The following COMMD10 variants were observed in gnomAD, a reference collection of about 807,000 sequenced individuals.
COMMD10 encodes COMM domain-containing protein 10.
A neutral mutation model predicts 28.9 loss-of-function variants in COMMD10; 33 were observed. That is an observed-to-expected ratio of 1.14 (90% CI 0.87 to 1.53). The LOEUF (loss-of-function observed/expected upper bound fraction) is 1.53. Among genes scored for constraint, COMMD10 ranks in the 40% most tolerant of loss-of-function variants. The pLI, the probability that COMMD10 is intolerant of heterozygous loss-of-function variation, is 0.00. For synonymous variants in COMMD10, 110 were observed against 81.7 expected (o/e 1.35, Z -1.87); for missense variants, 310 against 233.4 (o/e 1.33, Z -2.14).
At chr5:116,210,743 T>A (rs190022760) in intron 5 of COMMD10, among the ~76,000 whole-genome samples, 25 of 152,224 alleles carry the variant, frequency 1.6e-4, no homozygotes, top group Non-Finnish European at 1.5e-4. Context: ...CAAAACCAGG[T>A]TTTACTTATT....
intron 4 of COMMD10, among the ~76,000 whole-genome samples, chr5:116,099,275 A>C (rs572980606): frequency 6.6e-6 from 1 of 152,296 alleles, no homozygotes; most frequent in Non-Finnish European, 1.5e-5. Context: ...CTCCAGGTTC[A>C]TCCATTTTGT....
At chr5:116,148,640 CT>C (rs1009708883) in intron 5 of COMMD10, among the ~76,000 whole-genome samples, 104 of 148,674 alleles carry the variant, frequency 7.0e-4, no homozygotes, top group African/African-American at 2.3e-3. Context: ...TCAATGGATT[CT>C]TTTTTTTTTC....
Position 116,178,770 on chromosome 5 carries a change from T to C in COMMD10, c.510+44592T>C, listed in dbSNP as rs548270542. ...GGAAAGTTGGTTTATAATAAGGTTT[T>C]AGCACAAAAGTTAATGCCCTGATTT... On this transcript the variant is annotated intron_variant, in intron 5 of 6. Transcript: ENST00000274458. 1.1e-3 allele frequency among the ~76,000 whole-genome samples: 168 copies of C among 152,278 alleles called. No individual in the cohort carries two copies. In the South Asian group the frequency reaches 0.012, roughly 11 times the overall value.
chr5:116,214,863 A>G lies in COMMD10; in HGVS notation c.511-76654A>G, dbSNP rs549278310. On this transcript the variant is annotated intron_variant, in intron 5 of 6. Transcript: ENST00000274458. ...AAGCTTTTATCATAATATTTTGGAA[A>G]AATACGATCTCTTTTATAATCCTAA... Among the ~76,000 whole-genome samples, 10 of 152,220 alleles carry G rather than the reference A, an allele frequency of 6.6e-5. No individual in the cohort carries two copies. In the East Asian group the frequency reaches 1.9e-3, roughly 29 times the overall value.
At chr5:116,246,620 G>A (rs990303437) in intron 5 of COMMD10, among the ~76,000 whole-genome samples, 15 of 152,016 alleles carry the variant, frequency 9.9e-5, no homozygotes, top group African/African-American at 3.4e-4. Context: ...AAAACAGCAT[G>A]GTATTAGTAC....
chr5:116,121,103 G>A (rs1396811570), intron 4 of COMMD10, among the ~76,000 whole-genome samples: 1 of 152,026 alleles, frequency 6.6e-6, no homozygotes, highest in South Asian at 2.1e-4. Flanking sequence ...ATTTACATTA[G>A]ATATTTCTCC....
chr5:116,278,904 C>T (rs1278085256), intron 5 of COMMD10, among the ~76,000 whole-genome samples: 1 of 151,770 alleles, frequency 6.6e-6, no homozygotes, highest in Non-Finnish European at 1.5e-5. Flanking sequence ...CCATTGGGGT[C>T]AAATACTACA....
intron 5 of COMMD10, among the ~76,000 whole-genome samples, chr5:116,213,401 C>G (rs1002665143): frequency 2.0e-5 from 3 of 152,042 alleles, no homozygotes; most frequent in African/African-American, 7.2e-5. Flanking sequence ...AGCATAGACC[C>G]TGGACCTCTG....
intron 5 of COMMD10, among the ~76,000 whole-genome samples, chr5:116,251,364 C>T (rs1196204343): frequency 6.8e-6 from 1 of 147,696 alleles, no homozygotes; most frequent in East Asian, 2.0e-4. Context: ...CATACGTATA[C>T]ATGTGCCATG....
At chr5:116,183,700 T>A (rs904971515) in intron 5 of COMMD10, among the ~76,000 whole-genome samples, 6 of 152,158 alleles carry the variant, frequency 3.9e-5, no homozygotes, top group African/African-American at 1.4e-4. Context: ...AACCATTTAA[T>A]AAATACTTTC....
chr5:116,107,742 C>G (rs1750889799), intron 4 of COMMD10, among the ~76,000 whole-genome samples: 1 of 149,174 alleles, frequency 6.7e-6, no homozygotes, highest in Non-Finnish European at 1.5e-5. Flanking sequence ...AGTTGTGATC[C>G]TTTGGAGGAG....
chr5:116,276,001 A>G (rs1386811959), intron 5 of COMMD10, among the ~76,000 whole-genome samples: 1 of 151,254 alleles, frequency 6.6e-6, no homozygotes, highest in South Asian at 2.1e-4. Flanking sequence ...TAAGGAACAC[A>G]CTATGTTTTG....
intron 5 of COMMD10, among the ~76,000 whole-genome samples, chr5:116,210,797 C>T (rs1748944850): frequency 6.6e-6 from 1 of 152,046 alleles, no homozygotes; most frequent in African/African-American, 2.4e-5. Context: ...TAGGATTTTT[C>T]TTTTCACAAT....
At chr5:116,196,508 T>TA (rs11455689) in intron 5 of COMMD10, among the ~76,000 whole-genome samples, 48,264 of 147,502 alleles carry the variant, frequency 0.33, 10,991 homozygotes, top group African/African-American at 0.66. Context: ...ATAAATATGT[T>TA]AAAAAAAAAA....
At chr5:116,108,736 A>AAAAC (rs36074819) in intron 4 of COMMD10, among the ~76,000 whole-genome samples, 110,454 of 150,880 alleles carry the variant, frequency 0.73, 40,857 homozygotes, top group Non-Finnish European at 0.79. Flanking sequence ...GGGTATGAAA[A>AAAAC]AAACAAACAA....
chr5:116,199,336 A>G (rs1296039183), intron 5 of COMMD10, among the ~76,000 whole-genome samples: 3 of 152,054 alleles, frequency 2.0e-5, no homozygotes, highest in Non-Finnish European at 1.5e-5. Context: ...AGAGTTCTTC[A>G]TATATTTTGG....
intron 5 of COMMD10, among the ~76,000 whole-genome samples, chr5:116,281,559 T>C (rs1240389660): frequency 6.6e-6 from 1 of 151,634 alleles, no homozygotes; most frequent in East Asian, 1.9e-4. Context: ...ATAGACAATA[T>C]AAGTAATGCA....
At chr5:116,217,926 G>A (rs1278823666) in intron 5 of COMMD10, 6 of 692,082 alleles carry the variant, frequency 8.7e-6, no homozygotes, top group South Asian at 1.6e-5. Flanking sequence ...AAAAAAAAAA[G>A]TAAAACAAAA....
At chr5:116,089,600 G>A (rs1199402924) in intron 2 of COMMD10, among the ~76,000 whole-genome samples, 1 of 152,218 alleles carries the variant, frequency 6.6e-6, no homozygotes, top group Non-Finnish European at 1.5e-5. Context: ...GTATGGAGTT[G>A]AGAATAGTTA....
Sources: gnomAD v4.1 joint callset for allele counts (sites outside exome capture counted in the v4.1 genomes callset) on GRCh38, gnomAD v4.1.1 for gene constraint, MANE v1.5 for transcripts, NCBI Gene and HGNC (gene_info 2026-07-23, HGNC 2026-07-21) for gene names.